The following MYCL variants were observed in gnomAD, a reference collection of about 807,000 sequenced individuals.
The protein encoded by MYCL is MYCL proto-oncogene, bHLH transcription factor.
MYCL carries 11 observed loss-of-function variants against 31.0 expected under a neutral mutation model. The ratio of observed to expected loss-of-function variants is 0.35; its 90% CI spans 0.22 to 0.59. MYCL has a LOEUF of 0.59. Ranked by LOEUF, MYCL falls within the 20% of genes least tolerant of loss-of-function variation. The pLI is 0.79. For missense variants in MYCL, 427 were observed against 486.1 expected, an observed-to-expected ratio of 0.88 and a Z score of 1.14; for synonymous variants, 208 against 202.4, an observed-to-expected ratio of 1.03 and a Z score of -0.23.
chr1:39,900,379 G>A, intron 1 of MYCL: 1 of 986,670 alleles, frequency 1.0e-6, no homozygotes, highest in Non-Finnish European at 1.2e-6. Flanking sequence ...AATGGGGAGT[G>A]TTCATTCTTC....
In MYCL at chr1:39,897,548, G is replaced by T; in HGVS notation, c.919C>A (p.Gln307Lys). The T allele has an allele frequency of 6.2e-7, 1 of 1,614,184 alleles. No homozygotes were observed. Among genetic ancestry groups the T allele is most frequent in the South Asian group, 1.1e-5 (1 of 91,072 alleles). The change falls in exon 2 of 2, where the codon CAG becomes AAG. Residue 307 changes from glutamine (Q) to lysine (K), a missense_variant. Transcript: ENST00000372816. The surrounding 1 kb of genome is among the most constrained non-coding windows in gnomAD (Gnocchi z 4.3). ...GAGCAGCTGGCCAGGGTGGGCACCT[G>T]GTCCCTCAGCGCCAAGAATCGCGAA... is the stretch of plus-strand genomic sequence containing the variant. ...LRSRFLALRD[Q>K]VPTLASCSKA...
chr1:39,897,982 A>G lies in MYCL; in HGVS notation c.497-12T>C, dbSNP rs1161772883. On this transcript the variant is annotated splice_polypyrimidine_tract_variant and intron_variant, in intron 1 of 1. Transcript: ENST00000372816. The surrounding 1 kb of genome is among the most constrained non-coding windows in gnomAD (Gnocchi z 4.3). ...AATTTCTTCATTCTCTGTCCGAGAAAAGAGATCAAGAGAAGAAACACATCC... is the reference window on the plus strand; with the variant it reads ...AATTTCTTCATTCTCTGTCCGAGAAGAGAGATCAAGAGAAGAAACACATCC... 1 of 1,606,034 alleles carries G rather than the reference A, an allele frequency of 6.2e-7. No homozygotes were observed. Among genetic ancestry groups the G allele is most frequent in the Admixed American group, 1.7e-5 (1 of 59,196 alleles).
At position 39,901,099 on chromosome 1, in the gene MYCL, C is replaced by T. The variant is rs1289664777; in HGVS notation, c.336G>A (p.Arg112=). The part of the protein sequence containing the change: ...RERLERAVSD[R]LAPGAPRGNP... ...TCCCCCGGGGCGCGCCAGGAGCGAG[C>T]CGGTCGCTCACAGCTCTCTCCAGCC... The change falls in exon 1 of 2, where the codon CGG becomes CGA. Residue 112 remains arginine (R), a synonymous_variant. Coordinates refer to ENST00000372816, the MANE Select transcript of MYCL (RefSeq NM_001033081.3). The surrounding 1 kb of genome is among the most constrained non-coding windows in gnomAD (Gnocchi z 6.9). The T allele has an allele frequency of 1.9e-6, 3 of 1,586,134 alleles. No homozygotes were observed. Among genetic ancestry groups the T allele is most frequent in the African/African-American group, 1.3e-5 (1 of 74,500 alleles).
chr1:39,897,279 A>G lies in MYCL; in HGVS notation c.*93T>C. 2 of 1,188,318 alleles carry G rather than the reference A, an allele frequency of 1.7e-6. No individual in the cohort carries two copies. Among genetic ancestry groups the G allele is most frequent in the South Asian group, 1.5e-5 (1 of 68,776 alleles). The allele number at this position is 1,188,318 out of a possible 1,614,324, so 73.6% of individuals were successfully genotyped here. ...GATCTACTGTCCAGACTGTCCCACCATAACCAAAATGTGCAAATTACTAAA... is the reference window on the plus strand; with the variant it reads ...GATCTACTGTCCAGACTGTCCCACCGTAACCAAAATGTGCAAATTACTAAA... On this transcript the variant is annotated 3_prime_UTR_variant, in exon 2 of 2. Coordinates refer to ENST00000372816, the MANE Select transcript of MYCL (RefSeq NM_001033081.3). This position sits in a 1 kb window ranked among gnomAD's most constrained non-coding sequence, Gnocchi z 4.3.
Position 39,901,795 on chromosome 1 carries a change from C to T in MYCL, c.-361G>A, listed in dbSNP as rs1442910538. On this transcript the variant is annotated 5_prime_UTR_variant, in exon 1 of 2. It adds an upstream start codon to the 5' untranslated region. Coordinates refer to ENST00000372816, the MANE Select transcript of MYCL (RefSeq NM_001033081.3). This position sits in a 1 kb window ranked among gnomAD's most constrained non-coding sequence, Gnocchi z 6.9. ...GGGACCCGCGCCCGTGCCCTGGCCA[C>T]CCGCAGCCTCACCTCGCTCCAGCCG... 4 of 1,279,350 alleles carry T rather than the reference C, an allele frequency of 3.1e-6. No homozygotes were observed. The highest frequency in any genetic ancestry group is 3.0e-6 in the Non-Finnish European group (3 of 1,002,582). The allele number at this position is 1,279,350 out of a possible 1,614,324, so 79.2% of individuals were successfully genotyped here.
Position 39,897,636 on chromosome 1 carries a change from A to G in MYCL, c.831T>C (p.Thr277=), listed in dbSNP as rs148269479. The change falls in exon 2 of 2, where the codon ACT becomes ACC. Residue 277 remains threonine (T), a synonymous_variant. Transcript: ENST00000372816. The surrounding 1 kb of genome is among the most constrained non-coding windows in gnomAD (Gnocchi z 4.3). ...GATTCTTCCTCTTGGTCACATCCTCAGTATCAGAACTGACAGGTTTGGGGT... is the reference window on the plus strand; with the variant it reads ...GATTCTTCCTCTTGGTCACATCCTCGGTATCAGAACTGACAGGTTTGGGGT... ...SCHPKPVSSD[T]EDVTKRKNHN... The G allele has an allele frequency of 1.2e-6, 2 of 1,614,096 alleles. No individual in the cohort carries two copies. Among genetic ancestry groups the G allele is most frequent in the Non-Finnish European group, 8.5e-7 (1 of 1,180,054 alleles).
rs780951571 is a variant in MYCL, at chr1:39,897,409, T to C, written c.1058A>G (p.Gln353Arg). 2.1e-5 allele frequency: 34 copies of C among 1,609,282 alleles called. 1 individual carries two copies. Among genetic ancestry groups the C allele is most frequent in the Middle Eastern group, 1.6e-4 (1 of 6,068 alleles). The change falls in exon 2 of 2, where the codon CAG becomes CGG. Residue 353 changes from glutamine (Q) to arginine (R), a missense_variant. Coordinates refer to ENST00000372816, the MANE Select transcript of MYCL (RefSeq NM_001033081.3). The surrounding 1 kb of genome is among the most constrained non-coding windows in gnomAD (Gnocchi z 4.3). ...EKRQLRCRQQQLQKRIAYLTG... is the reference protein window; with the variant it reads ...EKRQLRCRQQRLQKRIAYLTG... The stretch of plus-strand genomic sequence containing the variant: ...GAGGTATGCAATTCTTTTCTGCAAC[T>C]GCTGCTGCCGGCATCGGAGCTGTCT...
intron 1 of MYCL, 80 bp from the exon 2 acceptor site, chr1:39,898,050 C>T (rs1644500477): frequency 3.1e-5 from 47 of 1,520,604 alleles, no homozygotes; most frequent in South Asian, 9.2e-5. Flanking sequence ...TAGCTGTCTA[C>T]GCTGGTGCTT....
At chr1:39,898,061 G>T in intron 1 of MYCL, 91 bp from the exon 2 acceptor site, 1 of 1,506,746 alleles carries the variant, frequency 6.6e-7, no homozygotes, top group Non-Finnish European at 8.8e-7. Context: ...GCTGGTGCTT[G>T]GGAAGGTAGG....
At chr1:39,898,027 GACCCT>G in intron 1 of MYCL, 57 bp from the exon 2 acceptor site, 1 of 1,569,668 alleles carries the variant, frequency 6.4e-7, no homozygotes, top group Non-Finnish European at 8.6e-7. Flanking sequence ...CACAAACATA[GACCCT>G]ACAGCTTTAG....
chr1:39,896,095 G>A lies in MYCL; in HGVS notation c.*1277C>T, dbSNP rs1047847776. 1 of 208,248 alleles carries A rather than the reference G, an allele frequency of 4.8e-6. No homozygotes were observed. The highest frequency in any genetic ancestry group is 2.3e-5 in the African/African-American group (1 of 43,908). The allele number at this position is 208,248 out of a possible 1,614,324, so 12.9% of individuals were successfully genotyped here. A position where few individuals can be genotyped will look rare whatever the true frequency, so the allele number is the denominator to read the frequency against. On this transcript the variant is annotated 3_prime_UTR_variant, in exon 2 of 2. Coordinates refer to ENST00000372816, the MANE Select transcript of MYCL (RefSeq NM_001033081.3). ...TAGAAGCTGCACGTGGATTCCACTT[G>A]GAGCTGCCGAGTCCAGCTGGGGTAA...
Position 39,897,369 on chromosome 1 carries a change from C to A in MYCL, c.*3G>T. ...AGACAGAACTGTCAGGCTTTTTGGTCAGTTAGTAGCCAGTGAGGTATGCAA... is the reference window on the plus strand; with the variant it reads ...AGACAGAACTGTCAGGCTTTTTGGTAAGTTAGTAGCCAGTGAGGTATGCAA... On this transcript the variant is annotated 3_prime_UTR_variant, in exon 2 of 2. Transcript: ENST00000372816. The surrounding 1 kb of genome is among the most constrained non-coding windows in gnomAD (Gnocchi z 4.3). The A allele has an allele frequency of 6.4e-7, 1 of 1,568,908 alleles. No individual in the cohort carries two copies. The highest frequency in any genetic ancestry group is 1.2e-5 in the South Asian group (1 of 85,774).
At position 39,900,995 on chromosome 1, in the gene MYCL, G is replaced by A. The variant is rs1192585438; in HGVS notation, c.440C>T (p.Pro147Leu). The part of the protein sequence containing the change: ...AGNPAPAAPC[P>L]LGEPKTQACS... ...GGCCTGGGTCTTGGGTTCGCCCAGC[G>A]GACAGGGGGCGGCGGGCGCCGGGTT... The change falls in exon 1 of 2, where the codon CCG becomes CTG. Residue 147 changes from proline (P) to leucine (L), a missense_variant. Pro to Leu is a moderately conservative substitution (Grantham distance 98). Coordinates refer to ENST00000372816, the MANE Select transcript of MYCL (RefSeq NM_001033081.3). 1.3e-6 allele frequency: 2 copies of A among 1,487,784 alleles called. No individual in the cohort carries two copies. Among genetic ancestry groups the A allele is most frequent in the Non-Finnish European group, 1.8e-6 (2 of 1,120,062 alleles). 92.2% of individuals were successfully genotyped at this position (1,487,784 alleles called of 1,614,324 possible).
At chr1:39,898,251 C>A (rs1156542011) in intron 1 of MYCL, among the ~76,000 whole-genome samples, 2 of 152,210 alleles carry the variant, frequency 1.3e-5, no homozygotes, top group African/African-American at 2.4e-5. Context: ...AAGCCAACAG[C>A]CCCCAGTCTG....
Position 39,897,472 on chromosome 1 carries a change from G to A in MYCL, c.995C>T (p.Ala332Val), listed in dbSNP as rs2124715073. 1 of 1,614,226 alleles carries A rather than the reference G, an allele frequency of 6.2e-7. No homozygotes were observed. ...CATCCTCTTCTCAGCCCCCACCAGG[G>A]CTTGCAAGTATTCCAAGGCCTTGCT... ...ILSKALEYLQ[A>V]LVGAEKRMAT... is the part of the protein sequence containing the mutation. The change falls in exon 2 of 2, where the codon GCC (alanine) becomes GTC (valine). Residue 332 changes from alanine (A) to valine (V), a missense_variant. Transcript: ENST00000372816. The surrounding 1 kb of genome is among the most constrained non-coding windows in gnomAD (Gnocchi z 4.3).
intron 1 of MYCL, chr1:39,900,637 C>T: frequency 7.7e-7 from 1 of 1,296,010 alleles, no homozygotes; most frequent in African/African-American, 1.5e-5. Context: ...CCCTTCAATC[C>T]CTTACAGTCC....
chr1:39,899,307 A>G (rs780726376), intron 1 of MYCL, among the ~76,000 whole-genome samples: 3 of 152,266 alleles, frequency 2.0e-5, no homozygotes, highest in African/African-American at 7.2e-5. Flanking sequence ...AAAATGATTC[A>G]GCAGGCTTCC....
rs923328318 is a variant in MYCL at position 39,896,082 on chromosome 1, G to A, written c.*1290C>T. On this transcript the variant is annotated 3_prime_UTR_variant, in exon 2 of 2. Coordinates refer to ENST00000372816, the MANE Select transcript of MYCL (RefSeq NM_001033081.3). Reference sequence around the variant, plus strand: ...GACTTTCCCAGACTAGAAGCTGCACGTGGATTCCACTTGGAGCTGCCGAGT... The same window carrying A: ...GACTTTCCCAGACTAGAAGCTGCACATGGATTCCACTTGGAGCTGCCGAGT... 3.4e-5 allele frequency: 7 copies of A among 208,308 alleles called. No homozygotes were observed. Among genetic ancestry groups the A allele is most frequent in the African/African-American group, 1.4e-4 (6 of 43,874 alleles). The allele number at this position is 208,308 out of a possible 1,614,324, so 12.9% of individuals were successfully genotyped here.
Position 39,897,570 on chromosome 1 carries a change from C to G in MYCL, c.897G>C (p.Ser299=), listed in dbSNP as rs371566708. Residue 299 remains serine (S), a synonymous_variant, in exon 2 of 2, where the codon TCG becomes TCC. Transcript: ENST00000372816. This position sits in a 1 kb window ranked among gnomAD's most constrained non-coding sequence, Gnocchi z 4.3. ...LERKRRNDLR[S]RFLALRDQVP... Reference sequence around the variant, plus strand: ...CCTGGTCCCTCAGCGCCAAGAATCGCGAACGCAGGTCATTCCGCCTCTTGC... The same window carrying G: ...CCTGGTCCCTCAGCGCCAAGAATCGGGAACGCAGGTCATTCCGCCTCTTGC... 1 of 1,614,102 alleles carries G rather than the reference C, an allele frequency of 6.2e-7. No homozygotes were observed. The highest frequency in any genetic ancestry group is 8.5e-7 in the Non-Finnish European group (1 of 1,180,046).
Sources: allele counts gnomAD v4.1 joint callset (sites outside exome capture counted in the v4.1 genomes callset), GRCh38; gene constraint gnomAD v4.1.1; non-coding constraint Gnocchi (gnomAD v3.1); transcripts MANE v1.5; gene names NCBI Gene and HGNC (gene_info 2026-07-23, HGNC 2026-07-21).